Variants in SEMA5A observed in about 807,000 individuals in gnomAD.
SEMA5A encodes the protein semaphorin-5A.
SEMA5A carries 55 observed loss-of-function variants against 135.5 expected under a neutral mutation model. The ratio of observed to expected loss-of-function variants is 0.41; its 90% CI spans 0.33 to 0.51. The LOEUF is 0.51. SEMA5A is among the 20% of genes least tolerant of loss of function. The probability of loss-of-function intolerance (pLI) is 0.37; values close to 1 mark genes in which losing one functional copy is unlikely to be tolerated. For synonymous variants in SEMA5A, 580 were observed against 546.5 expected (o/e 1.06, Z -0.85); for missense variants, 1,290 against 1,419.9 (o/e 0.91, Z 1.47).
At chr5:9,510,458 C>T (rs1202900206) in intron 1 of SEMA5A, among the ~76,000 whole-genome samples, 1 of 152,056 alleles carries the variant, frequency 6.6e-6, no homozygotes, top group African/African-American at 2.4e-5. Context: ...AAGTAAATAA[C>T]GCATTTTGGA....
chr5:9,482,162 A>G (rs574940381), intron 1 of SEMA5A, among the ~76,000 whole-genome samples: 50 of 152,312 alleles, frequency 3.3e-4, no homozygotes, highest in African/African-American at 1.2e-3. Context: ...GCCCGTGAAT[A>G]TGCCAGGAGC....
intron 15 of SEMA5A, among the ~76,000 whole-genome samples, chr5:9,113,310 A>G (rs1019996815): frequency 6.6e-6 from 1 of 152,342 alleles, no homozygotes; most frequent in Non-Finnish European, 1.5e-5. Context: ...CAGGAAGCAG[A>G]ATAATTTTGA....
intron 3 of SEMA5A, among the ~76,000 whole-genome samples, chr5:9,341,310 A>G (rs1753643605): frequency 6.6e-6 from 1 of 152,156 alleles, no homozygotes; most frequent in African/African-American, 2.4e-5. Flanking sequence ...ACCTATTACT[A>G]TAATTCATCA....
intron 11 of SEMA5A, among the ~76,000 whole-genome samples, chr5:9,162,570 A>G (rs1743344318): frequency 2.0e-5 from 1 of 50,118 alleles, no homozygotes; most frequent in Admixed American, 1.9e-4. Context: ...GTGTGTATAT[A>G]TATATATATA....
intron 1 of SEMA5A, among the ~76,000 whole-genome samples, chr5:9,455,717 C>G (rs1758808932): frequency 6.6e-6 from 1 of 152,146 alleles, no homozygotes; most frequent in Admixed American, 6.5e-5. Flanking sequence ...GACTTTTCAG[C>G]CAAACCAGGC....
At chr5:9,392,600 G>A (rs1333035250) in intron 2 of SEMA5A, among the ~76,000 whole-genome samples, 1 of 152,102 alleles carries the variant, frequency 6.6e-6, no homozygotes, top group Non-Finnish European at 1.5e-5. Context: ...TGTGTGGGAG[G>A]AATAACAGGA....
At chr5:9,233,608 C>G (rs989929003) in intron 6 of SEMA5A, among the ~76,000 whole-genome samples, 1 of 152,176 alleles carries the variant, frequency 6.6e-6, no homozygotes, top group Non-Finnish European at 1.5e-5. Context: ...TCTTTTCAAA[C>G]CTGGCCCAAA....
intron 2 of SEMA5A, among the ~76,000 whole-genome samples, chr5:9,412,575 C>G (rs1180946394): frequency 7.4e-6 from 1 of 134,392 alleles, no homozygotes; most frequent in Admixed American, 8.1e-5. Flanking sequence ...GGGGCCAGAA[C>G]GGATTCAGAT....
At chr5:9,061,819 T>C (rs1737198893) in intron 18 of SEMA5A, among the ~76,000 whole-genome samples, 1 of 152,036 alleles carries the variant, frequency 6.6e-6, no homozygotes, top group Non-Finnish European at 1.5e-5. Context: ...GTTTGCGTCT[T>C]TGGAGGACTT....
At chr5:9,156,739 A>G (rs1806142) in intron 11 of SEMA5A, among the ~76,000 whole-genome samples, 21 of 152,248 alleles carry the variant, frequency 1.4e-4, no homozygotes, top group Non-Finnish European at 2.5e-4. Context: ...CAGAGTTTAC[A>G]GAACTATAGC....
In SEMA5A at chr5:9,291,084, T is replaced by C. The variant is rs117790184; in HGVS notation, c.270+27288A>G. Among the ~76,000 whole-genome samples, 95 of 152,290 alleles carry C rather than the reference T, an allele frequency of 6.2e-4. 1 individual carries two copies. In the East Asian group the frequency reaches 0.016, roughly 26 times the overall value. On this transcript the variant is annotated intron_variant, in intron 5 of 22. Transcript: ENST00000382496. ...AACATTCTAGAAACAGAATTTCCCA[T>C]TTTCTTTCCATCCGTCTCTTGAGAT... is the stretch of plus-strand genomic sequence containing the variant.
intron 11 of SEMA5A, among the ~76,000 whole-genome samples, chr5:9,176,130 T>C (rs1469399240): frequency 6.6e-6 from 1 of 152,190 alleles, no homozygotes; most frequent in Admixed American, 6.5e-5. Flanking sequence ...AATCAAAAGC[T>C]GGATCATCTT....
At chr5:9,528,359 C>T (rs1320203723) in intron 1 of SEMA5A, among the ~76,000 whole-genome samples, 1 of 152,178 alleles carries the variant, frequency 6.6e-6, no homozygotes, top group African/African-American at 2.4e-5. Context: ...ATTTATTTTT[C>T]TGGGTTCCTA....
intron 3 of SEMA5A, among the ~76,000 whole-genome samples, chr5:9,339,311 A>T (rs1169471360): frequency 6.6e-6 from 1 of 152,194 alleles, no homozygotes; most frequent in African/African-American, 2.4e-5. Context: ...GTAAAACAAG[A>T]GGAAAGATTT....
At chr5:9,488,317 A>C (rs772341087) in intron 1 of SEMA5A, among the ~76,000 whole-genome samples, 18 of 152,274 alleles carry the variant, frequency 1.2e-4, no homozygotes, top group Non-Finnish European at 2.5e-4. Context: ...ATGAAGTCTC[A>C]GAGGAACCAC....
At chr5:9,180,935 G>T (rs1303547030) in intron 11 of SEMA5A, among the ~76,000 whole-genome samples, 1 of 152,114 alleles carries the variant, frequency 6.6e-6, no homozygotes, top group Non-Finnish European at 1.5e-5. Context: ...AAGTCATATT[G>T]ATCTCCTGAC....
intron 18 of SEMA5A, among the ~76,000 whole-genome samples, chr5:9,062,443 T>A (rs1473488290): frequency 6.6e-6 from 1 of 152,172 alleles, no homozygotes; most frequent in Non-Finnish European, 1.5e-5. Flanking sequence ...GGTGATGACA[T>A]CACACAAGAC....
rs1276386902 is a variant in SEMA5A, at chr5:9,042,974, A to G, written c.3148T>C (p.Tyr1050His). 1.4e-5 allele frequency: 23 copies of G among 1,612,548 alleles called. No individual in the cohort carries two copies. The South Asian group carries it at 2.0e-4, about 14-fold the overall frequency. The change falls in exon 23 of 23, where the codon TAC becomes CAC. Residue 1050 changes from tyrosine to histidine, a missense_variant. Tyr to His is a moderately conservative substitution (Grantham distance 83, BLOSUM62 2). This residue lies in a region of SEMA5A where 1,029 missense variants were observed against 1,086.6 expected (regional missense o/e 0.95). Coordinates refer to ENST00000382496, the MANE Select transcript of SEMA5A (RefSeq NM_003966.3). ...TTCCCAGTGAGATGTGGGTTGAAGT[A>G]TTTGTTTCTTTCCTCTAGGATCAAG... The part of the protein sequence containing the change: ...NNLILEERNK[Y>H]FNPHLTGKTY...
chr5:9,515,594 G>T lies in SEMA5A; in HGVS notation c.-175+29990C>A, dbSNP rs570486952. Among the ~76,000 whole-genome samples the T allele has an allele frequency of 2.6e-5, 4 of 152,246 alleles. No homozygotes were observed. The East Asian group carries it at 7.7e-4, about 29-fold the overall frequency. On this transcript the variant is annotated intron_variant, in intron 1 of 22. Transcript: ENST00000382496. The stretch of plus-strand genomic sequence containing the variant: ...AATGACACAAACAGAAGAGCTTGCA[G>T]CTGCTAACAAATGACAGATATGTTC...
Sources: allele counts gnomAD v4.1 joint callset (sites outside exome capture counted in the v4.1 genomes callset), GRCh38; gene constraint gnomAD v4.1.1; regional missense constraint gnomAD v4.1.1; transcripts MANE v1.5; gene names NCBI Gene and HGNC (gene_info 2026-07-23, HGNC 2026-07-21).